EPB41L5: variants seen among roughly 807,000 people sequenced by gnomAD.
The protein encoded by EPB41L5 is band 4.1-like protein 5.
Under a neutral mutation model 106.6 loss-of-function variants are expected in EPB41L5, and 55 were observed. The ratio of observed to expected loss-of-function variants is 0.52; its 90% CI spans 0.42 to 0.65. The LOEUF (loss-of-function observed/expected upper bound fraction) is 0.65. Among genes scored for constraint, EPB41L5 ranks in the 30% least tolerant of loss-of-function variants. The pLI is 0.00. For missense variants in EPB41L5, 871 were observed against 882.1 expected (o/e 0.99, Z 0.16); for synonymous variants, 297 against 306.7 (o/e 0.97, Z 0.33).
At chr2:120,022,136 T>C (rs1677975800) in intron 2 of EPB41L5, among the ~76,000 whole-genome samples, 1 of 152,234 alleles carries the variant, frequency 6.6e-6, no homozygotes, top group Non-Finnish European at 1.5e-5. Flanking sequence ...CTTATAAGTT[T>C]TAAATTGGGA....
In EPB41L5 at chr2:120,118,064, A is replaced by AT. The variant is rs1162607408; in HGVS notation, c.1338-9621dup. Among the ~76,000 whole-genome samples the AT allele has an allele frequency of 2.6e-5, 4 of 152,310 alleles. No homozygotes were observed. The East Asian group carries it at 7.7e-4, about 29-fold the overall frequency. ...CGTTTTTTCTTTAATAGTTTCTGGAATTTAATAGAGTTTTCCTCACTGCTA... is the reference window on the plus strand; with the variant it reads ...CGTTTTTTCTTTAATAGTTTCTGGAATTTTAATAGAGTTTTCCTCACTGCTA... On this transcript the variant is annotated intron_variant, in intron 16 of 24. Coordinates refer to ENST00000263713, the MANE Select transcript of EPB41L5 (RefSeq NM_020909.4).
In EPB41L5 at chr2:120,040,928, C is replaced by T. The variant is rs542089668; in HGVS notation, c.181-1078C>T. On this transcript the variant is annotated intron_variant, in intron 2 of 24. Transcript: ENST00000263713. ...TTTAATAGGAAAATACTATAAATCACAATTTAGAATTCTACAGATGGGAGA... is the reference window on the plus strand; with the variant it reads ...TTTAATAGGAAAATACTATAAATCATAATTTAGAATTCTACAGATGGGAGA... 1.2e-4 allele frequency among the ~76,000 whole-genome samples: 18 copies of T among 152,178 alleles called. 1 individual carries two copies. The South Asian group carries it at 3.7e-3, about 32-fold the overall frequency.
At chr2:120,015,074 A>T (rs1029436453) in intron 1 of EPB41L5, among the ~76,000 whole-genome samples, 8 of 151,326 alleles carry the variant, frequency 5.3e-5, no homozygotes, top group Non-Finnish European at 1.0e-4. Flanking sequence ...CTGTAATCCC[A>T]GCACTTTGGG....
chr2:120,120,570 A>T (rs920422498), intron 16 of EPB41L5, among the ~76,000 whole-genome samples: 3 of 152,116 alleles, frequency 2.0e-5, no homozygotes, highest in Non-Finnish European at 4.4e-5. Flanking sequence ...TGATGTGAAC[A>T]TAGACATGTA....
intron 3 of EPB41L5, among the ~76,000 whole-genome samples, chr2:120,047,904 A>T (rs1679919409): frequency 6.6e-6 from 1 of 152,230 alleles, no homozygotes; most frequent in African/African-American, 2.4e-5. Flanking sequence ...CCTTTTCTGC[A>T]TCTATTGAGA....
Position 120,143,075 on chromosome 2 carries a change from G to T in EPB41L5, c.1672G>T (p.Val558Phe). Reference protein sequence around the residue: ...IESPGLNVMRVPPDFKSNILK... With the variant: ...IESPGLNVMRFPPDFKSNILK... Reference sequence around the variant, plus strand: ...GAGCCCAGGATTGAATGTCATGAGAGTTCCTCCTGACTTCAAGAGTAACAT... The same window carrying T: ...GAGCCCAGGATTGAATGTCATGAGATTTCCTCCTGACTTCAAGAGTAACAT... The change falls in exon 19 of 25, where the codon GTT (valine) becomes TTT (phenylalanine). Residue 558 changes from valine (V) to phenylalanine (F), a missense_variant. Transcript: ENST00000263713. 6.2e-7 allele frequency: 1 copy of T among 1,610,920 alleles called. No homozygotes were observed. Among genetic ancestry groups the T allele is most frequent in the Non-Finnish European group, 8.5e-7 (1 of 1,178,500 alleles).
chr2:120,123,207 C>T (rs943916146), intron 16 of EPB41L5, among the ~76,000 whole-genome samples: 4 of 151,976 alleles, frequency 2.6e-5, no homozygotes, highest in African/African-American at 9.7e-5. Flanking sequence ...CTTTTTCAGC[C>T]TCTGTTCCTG....
intron 2 of EPB41L5, among the ~76,000 whole-genome samples, chr2:120,030,984 C>G (rs1286596484): frequency 6.6e-6 from 1 of 152,166 alleles, no homozygotes; most frequent in African/African-American, 2.4e-5. Context: ...TCAAGTGATT[C>G]TCCTGCCTCA....
intron 10 of EPB41L5, among the ~76,000 whole-genome samples, chr2:120,082,450 A>C (rs1275175739): frequency 6.6e-6 from 1 of 152,194 alleles, no homozygotes; most frequent in Non-Finnish European, 1.5e-5. Context: ...CGTCCCAGGG[A>C]TGAAGCCCAC....
At chr2:120,133,636 C>G (rs565954496) in intron 18 of EPB41L5, among the ~76,000 whole-genome samples, 3 of 152,278 alleles carry the variant, frequency 2.0e-5, no homozygotes, top group African/African-American at 7.2e-5. Flanking sequence ...CCGCTGTGGG[C>G]TAAAGTGCTG....
At chr2:120,160,033 T>C (rs1004259943) in intron 20 of EPB41L5, among the ~76,000 whole-genome samples, 2 of 152,026 alleles carry the variant, frequency 1.3e-5, no homozygotes, top group Non-Finnish European at 1.5e-5. Flanking sequence ...CGTGGACACA[T>C]AGAGGTGAAA....
chr2:120,061,770 G>A (rs1681096091), intron 3 of EPB41L5, among the ~76,000 whole-genome samples: 1 of 152,152 alleles, frequency 6.6e-6, no homozygotes, highest in South Asian at 2.1e-4. Context: ...AACGTAGATA[G>A]CATTTCTCAT....
chr2:120,162,849 A>T (rs530474513), intron 21 of EPB41L5, among the ~76,000 whole-genome samples: 1 of 152,324 alleles, frequency 6.6e-6, no homozygotes, highest in Admixed American at 6.5e-5. Context: ...GGGTGGGAAG[A>T]TGCGAGAGGA....
chr2:120,075,735 G>A lies in EPB41L5; in HGVS notation c.487G>A (p.Ala163Thr). 2 of 1,613,482 alleles carry A rather than the reference G, an allele frequency of 1.2e-6. No homozygotes were observed. The highest frequency in any genetic ancestry group is 2.2e-5 in the South Asian group (2 of 91,066). Residue 163 changes from alanine (A) to threonine (T), a missense_variant, in exon 7 of 25, where the codon GCA (alanine) becomes ACA (threonine). By Grantham distance (58) the Ala-to-Thr change is moderately conservative. Coordinates refer to ENST00000263713, the MANE Select transcript of EPB41L5 (RefSeq NM_020909.4). Reference sequence around the variant, plus strand: ...TCCCTTTGATACAGCAGTGCAATTGGCAGCTTATAATCTGCAAGGTAAGCA... The same window carrying A: ...TCCCTTTGATACAGCAGTGCAATTGACAGCTTATAATCTGCAAGGTAAGCA... ...DCPFDTAVQL[A>T]AYNLQAELGD...
intron 3 of EPB41L5, among the ~76,000 whole-genome samples, chr2:120,051,458 C>T (rs185965465): frequency 6.6e-6 from 1 of 152,270 alleles, no homozygotes; most frequent in African/African-American, 2.4e-5. Flanking sequence ...CCGAGCCAGG[C>T]ACAGGATATA....
intron 3 of EPB41L5, among the ~76,000 whole-genome samples, chr2:120,045,058 G>A (rs1032046546): frequency 7.9e-5 from 12 of 152,180 alleles, no homozygotes; most frequent in South Asian, 2.1e-4. Context: ...CCAAAGTGGG[G>A]TGAAGGGAAG....
At chr2:120,133,739 G>C (rs576225594) in intron 18 of EPB41L5, among the ~76,000 whole-genome samples, 1 of 152,264 alleles carries the variant, frequency 6.6e-6, no homozygotes, top group Non-Finnish European at 1.5e-5. Context: ...AGAGCCAGTG[G>C]ACCTGGGGTA....
intron 20 of EPB41L5, among the ~76,000 whole-genome samples, chr2:120,155,968 C>G (rs73952054): frequency 3.9e-5 from 6 of 152,058 alleles, no homozygotes; most frequent in Non-Finnish European, 5.9e-5. Context: ...AGAGGCCCCA[C>G]GACCACCACG....
intron 18 of EPB41L5, among the ~76,000 whole-genome samples, chr2:120,140,467 AGAAG>A (rs893885319): frequency 1.3e-5 from 2 of 152,022 alleles, no homozygotes; most frequent in South Asian, 4.1e-4. Flanking sequence ...TTTTAAGAAA[AGAAG>A]GAAGAATTCA....
Sources: allele counts gnomAD v4.1 joint callset (sites outside exome capture counted in the v4.1 genomes callset), GRCh38; gene constraint gnomAD v4.1.1; transcripts MANE v1.5; gene names NCBI Gene and HGNC (gene_info 2026-07-23, HGNC 2026-07-21).